Variants in EPHB1 observed in about 807,000 individuals in gnomAD.
EPHB1 encodes ephrin type-B receptor 1.
A neutral mutation model predicts 94.4 loss-of-function variants in EPHB1; 30 were observed. The observed-to-expected ratio is 0.32, with a 90% CI of 0.24 to 0.43. The LOEUF is 0.43. Ranked by LOEUF, EPHB1 falls within the 20% of genes least tolerant of loss-of-function variation. EPHB1 has a pLI of 1.00. For missense variants in EPHB1, 1,055 were observed against 1,308.3 expected (o/e 0.81, Z 2.99); for synonymous variants, 522 against 489.1 (o/e 1.07, Z -0.89).
chr3:134,922,810 G>A (rs956480637), intron 1 of EPHB1, among the ~76,000 whole-genome samples: 3 of 152,202 alleles, frequency 2.0e-5, no homozygotes, highest in Admixed American at 1.3e-4. Context: ...TGGTCCATGT[G>A]CTGAGATTTG....
chr3:134,838,411 C>T (rs1471242440), intron 1 of EPHB1, among the ~76,000 whole-genome samples: 6 of 152,132 alleles, frequency 3.9e-5, no homozygotes, highest in Non-Finnish European at 8.8e-5. Flanking sequence ...CCTGTTCTAG[C>T]ATTTTCTCCC....
At chr3:134,803,344 A>T (rs192144363) in intron 1 of EPHB1, among the ~76,000 whole-genome samples, 2 of 152,276 alleles carry the variant, frequency 1.3e-5, no homozygotes, top group African/African-American at 4.8e-5. Flanking sequence ...GGTGGCCAGA[A>T]AGGGAGGGGA....
At chr3:135,020,088 G>C (rs143071326) in intron 3 of EPHB1, among the ~76,000 whole-genome samples, 3 of 152,082 alleles carry the variant, frequency 2.0e-5, no homozygotes, top group Non-Finnish European at 4.4e-5. Flanking sequence ...AAACGGTGTT[G>C]GTTAATTTAT....
At chr3:134,911,931 G>A (rs543550462) in intron 1 of EPHB1, among the ~76,000 whole-genome samples, 3 of 152,308 alleles carry the variant, frequency 2.0e-5, no homozygotes, top group African/African-American at 7.2e-5. Context: ...GCATGCAGGG[G>A]TCCTAAGGGC....
intron 3 of EPHB1, among the ~76,000 whole-genome samples, chr3:134,960,247 G>A (rs558093581): frequency 1.3e-5 from 2 of 152,030 alleles, no homozygotes; most frequent in South Asian, 4.2e-4. Context: ...GTAACTTGAG[G>A]GCTGTTGCAA....
chr3:135,043,569 G>A (rs527621406), intron 3 of EPHB1, among the ~76,000 whole-genome samples: 1 of 152,214 alleles, frequency 6.6e-6, no homozygotes, highest in Non-Finnish European at 1.5e-5. Context: ...TGACTATCAA[G>A]GAGCAGGCCT....
At chr3:135,003,149 G>A (rs916663645) in intron 3 of EPHB1, among the ~76,000 whole-genome samples, 109 of 150,528 alleles carry the variant, frequency 7.2e-4, no homozygotes, top group Non-Finnish European at 2.5e-4. Flanking sequence ...AGAGATTCTG[G>A]TATGTTGTGT....
At chr3:135,029,259 T>C (rs1406102599) in intron 3 of EPHB1, among the ~76,000 whole-genome samples, 14 of 150,436 alleles carry the variant, frequency 9.3e-5, no homozygotes, top group Non-Finnish European at 1.6e-4. Flanking sequence ...AATTTGATCC[T>C]GTCATTATGA....
intron 9 of EPHB1, among the ~76,000 whole-genome samples, chr3:135,174,766 G>A (rs1184737433): frequency 6.6e-6 from 1 of 152,128 alleles, no homozygotes; most frequent in Non-Finnish European, 1.5e-5. Flanking sequence ...TAAATATCTG[G>A]ACCAATTTTA....
intron 3 of EPHB1, among the ~76,000 whole-genome samples, chr3:134,988,673 G>T (rs538170203): frequency 9.9e-5 from 15 of 152,142 alleles, no homozygotes; most frequent in African/African-American, 3.4e-4. Flanking sequence ...CCTATCATGC[G>T]GTTTTTACTT....
intron 1 of EPHB1, among the ~76,000 whole-genome samples, chr3:134,895,482 A>G (rs2038070095): frequency 6.6e-6 from 1 of 152,140 alleles, no homozygotes; most frequent in African/African-American, 2.4e-5. Flanking sequence ...TTACCAATGC[A>G]TTTTTTCCAC....
chr3:135,137,413 G>A (rs1940659869), intron 5 of EPHB1, among the ~76,000 whole-genome samples: 2 of 152,198 alleles, frequency 1.3e-5, no homozygotes, highest in South Asian at 4.1e-4. Flanking sequence ...TCCAATTCTG[G>A]ATTTAGCCTG....
intron 4 of EPHB1, among the ~76,000 whole-genome samples, chr3:135,106,810 T>C (rs933241907): frequency 6.6e-6 from 1 of 152,182 alleles, no homozygotes; most frequent in African/African-American, 2.4e-5. Context: ...ACATTTTTTC[T>C]TTCTTCCCCC....
At chr3:135,120,352 G>C (rs189523998) in intron 4 of EPHB1, among the ~76,000 whole-genome samples, 3 of 152,238 alleles carry the variant, frequency 2.0e-5, no homozygotes, top group African/African-American at 7.2e-5. Flanking sequence ...TGTGGCTATT[G>C]TGAATAAATA....
chr3:134,902,370 C>T (rs1410883677), intron 1 of EPHB1, among the ~76,000 whole-genome samples: 2 of 152,118 alleles, frequency 1.3e-5, no homozygotes, highest in South Asian at 2.1e-4. Context: ...AGGTGCCACC[C>T]AGTGAGATGG....
chr3:134,953,928 C>G (rs967027439), intron 3 of EPHB1, among the ~76,000 whole-genome samples: 14 of 152,204 alleles, frequency 9.2e-5, no homozygotes, highest in African/African-American at 2.2e-4. Flanking sequence ...TTCCCAGTCT[C>G]GATCCCCTCC....
chr3:135,118,997 T>G (rs769893240), intron 4 of EPHB1, among the ~76,000 whole-genome samples: 75 of 152,352 alleles, frequency 4.9e-4, no homozygotes, highest in Admixed American at 9.1e-4. Flanking sequence ...CAGTGTACAC[T>G]CTTCACAGCA....
chr3:135,220,918 A>G (rs984635909), intron 12 of EPHB1, among the ~76,000 whole-genome samples: 2 of 152,186 alleles, frequency 1.3e-5, no homozygotes, highest in Non-Finnish European at 2.9e-5. Flanking sequence ...TGTTTTGGGC[A>G]CAAAATCCAG....
chr3:134,948,185 A>C (rs1001890810), intron 2 of EPHB1, among the ~76,000 whole-genome samples: 6 of 152,152 alleles, frequency 3.9e-5, no homozygotes, highest in Non-Finnish European at 8.8e-5. Context: ...GGGTGTGTCA[A>C]GAACTCTGGC....
Sources: allele counts gnomAD v4.1 joint callset (sites outside exome capture counted in the v4.1 genomes callset), GRCh38; gene constraint gnomAD v4.1.1; transcripts MANE v1.5; gene names NCBI Gene and HGNC (gene_info 2026-07-23, HGNC 2026-07-21).